The following ZFHX4 variants were observed in gnomAD, a reference collection of about 807,000 sequenced individuals.
The protein encoded by ZFHX4 is zinc finger homeobox protein 4.
ZFHX4 carries 56 observed loss-of-function variants against 267.6 expected under a neutral mutation model. That is an observed-to-expected ratio of 0.21 (90% CI 0.17 to 0.26). The LOEUF (loss-of-function observed/expected upper bound fraction) is 0.26. Among genes scored for constraint, ZFHX4 ranks in the 10% least tolerant of loss-of-function variants. The pLI is 1.00. For synonymous variants in ZFHX4, 1,778 were observed against 1,665.6 expected (o/e 1.07, Z -1.64); for missense variants, 4,332 against 4,420.0 (o/e 0.98, Z 0.56).
Position 76,854,218 on chromosome 8 carries a change from T to C in ZFHX4, c.7297T>C (p.Ser2433Pro). ...QGTKPALPLA[S>P]TSSDPPQAST... The stretch of plus-strand genomic sequence containing the variant: ...CACCAAACCAGCCCTGCCATTAGCA[T>C]CGACTTCCTCGGACCCACCACAGGC... The change falls in exon 10 of 11, where the codon TCG becomes CCG. Residue 2433 changes from serine to proline, a missense_variant. This residue lies in a region of ZFHX4 where 1,648 missense variants were observed against 1,625.0 expected (regional missense o/e 1.01). Coordinates refer to ENST00000651372, the MANE Select transcript of ZFHX4 (RefSeq NM_024721.5). 2 of 1,565,550 alleles carry C rather than the reference T, an allele frequency of 1.3e-6. No individual in the cohort carries two copies. The highest frequency in any genetic ancestry group is 1.7e-6 in the Non-Finnish European group (2 of 1,155,210).
At chr8:76,735,698 C>T (rs1585894143) in intron 3 of ZFHX4, among the ~76,000 whole-genome samples, 2 of 152,216 alleles carry the variant, frequency 1.3e-5, no homozygotes, top group Middle Eastern at 6.8e-3. Context: ...TGGATTGTCT[C>T]AAAGTGTTAG....
At chr8:76,709,465 T>A (rs1292208484) in intron 3 of ZFHX4, among the ~76,000 whole-genome samples, 1 of 152,142 alleles carries the variant, frequency 6.6e-6, no homozygotes, top group Non-Finnish European at 1.5e-5. Context: ...TGACAACTGT[T>A]CAATTGTCTA....
At position 76,762,388 on chromosome 8, in the gene ZFHX4, A is replaced by G. The variant is rs1400218651; in HGVS notation, c.3094-15820A>G. ...ATAAAAAGAAGTTAATATCTCCCTGACATTCATATTGACTTTTAGTGAAAA... is the reference window on the plus strand; with the variant it reads ...ATAAAAAGAAGTTAATATCTCCCTGGCATTCATATTGACTTTTAGTGAAAA... On this transcript the variant is annotated intron_variant, in intron 3 of 10. Coordinates refer to ENST00000651372, the MANE Select transcript of ZFHX4 (RefSeq NM_024721.5). 2.6e-5 allele frequency among the ~76,000 whole-genome samples: 4 copies of G among 152,364 alleles called. No homozygotes were observed. The East Asian group carries it at 5.8e-4, about 22-fold the overall frequency.
intron 4 of ZFHX4, among the ~76,000 whole-genome samples, chr8:76,813,835 A>G (rs761092680): frequency 1.3e-5 from 2 of 152,144 alleles, no homozygotes; most frequent in African/African-American, 2.4e-5. Context: ...TAGAATAACA[A>G]TTCTTGGGAA....
chr8:76,703,372 C>A (rs1808154155), intron 1 of ZFHX4, among the ~76,000 whole-genome samples: 1 of 152,070 alleles, frequency 6.6e-6, no homozygotes, highest in Non-Finnish European at 1.5e-5. Flanking sequence ...TGTTCTGTTG[C>A]CCATTGAGGT....
intron 3 of ZFHX4, among the ~76,000 whole-genome samples, chr8:76,764,042 G>A (rs982916726): frequency 1.8e-4 from 27 of 152,086 alleles, no homozygotes; most frequent in Middle Eastern, 3.2e-3. Context: ...AAAATGGAGG[G>A]AATATTGGAG....
chr8:76,715,321 A>C (rs1402592962), intron 3 of ZFHX4, among the ~76,000 whole-genome samples: 1 of 151,740 alleles, frequency 6.6e-6, no homozygotes, highest in Non-Finnish European at 1.5e-5. Context: ...GACTCTACTA[A>C]AAACACAAAA....
At chr8:76,799,979 A>G (rs1811076767) in intron 4 of ZFHX4, among the ~76,000 whole-genome samples, 1 of 152,138 alleles carries the variant, frequency 6.6e-6, no homozygotes, top group African/African-American at 2.4e-5. Flanking sequence ...GGTGGGGCTT[A>G]TTCTTTGTAA....
In ZFHX4 at chr8:76,739,953, T is replaced by C. The variant is rs113422501; in HGVS notation, c.3093+31905T>C. 6.2e-3 allele frequency among the ~76,000 whole-genome samples: 941 copies of C among 152,256 alleles called. 9 individuals carry two copies. Among genetic ancestry groups the C allele is most frequent in the African/African-American group, 0.022 (901 of 41,562 alleles). ...GATTGCTAGTTAGTATTGTGGATCA[T>C]TGAAGGAAAGTCATGGGGCAACTGT... On this transcript the variant is annotated intron_variant, in intron 3 of 10. Transcript: ENST00000651372.
At chr8:76,727,058 T>A (rs1214112150) in intron 3 of ZFHX4, among the ~76,000 whole-genome samples, 2 of 152,180 alleles carry the variant, frequency 1.3e-5, no homozygotes, top group Non-Finnish European at 2.9e-5. Flanking sequence ...GAAGATTACA[T>A]TTTTACTGTC....
intron 4 of ZFHX4, among the ~76,000 whole-genome samples, chr8:76,832,212 A>G (rs549522922): frequency 6.6e-6 from 1 of 152,302 alleles, no homozygotes; most frequent in Non-Finnish European, 1.5e-5. Flanking sequence ...GTAAATAAAC[A>G]TGATTTCCTT....
intron 3 of ZFHX4, among the ~76,000 whole-genome samples, chr8:76,720,139 T>C (rs1191242953): frequency 6.6e-6 from 1 of 152,104 alleles, no homozygotes; most frequent in East Asian, 1.9e-4. Flanking sequence ...CAAGAAGAAA[T>C]CCTGTACTGT....
intron 3 of ZFHX4, among the ~76,000 whole-genome samples, chr8:76,728,650 C>T (rs1014181900): frequency 6.6e-6 from 1 of 152,130 alleles, no homozygotes; most frequent in Non-Finnish European, 1.5e-5. Context: ...ATAATTTAAA[C>T]ATTGAAATCT....
intron 4 of ZFHX4, among the ~76,000 whole-genome samples, chr8:76,797,920 CTGTGTGTCTGTGTGTA>C (rs1811023275): frequency 1.6e-5 from 2 of 122,512 alleles, no homozygotes; most frequent in African/African-American, 6.6e-5. Context: ...GTGTGTGTGT[CTGTGTGTCTGTGTGTA>C]TGTGTGTGTA....
intron 10 of ZFHX4, among the ~76,000 whole-genome samples, chr8:76,861,489 A>C (rs1030222128): frequency 6.6e-6 from 1 of 152,162 alleles, no homozygotes; most frequent in African/African-American, 2.4e-5. Context: ...ATCACTATTA[A>C]AACTGTAGAA....
At chr8:76,823,154 G>A (rs1018487953) in intron 4 of ZFHX4, among the ~76,000 whole-genome samples, 2 of 144,680 alleles carry the variant, frequency 1.4e-5, no homozygotes, top group African/African-American at 5.1e-5. Flanking sequence ...TTTTAACAGT[G>A]AGACACCTCT....
chr8:76,694,374 T>A (rs1034484), intron 1 of ZFHX4, among the ~76,000 whole-genome samples: 4,948 of 152,236 alleles, frequency 0.033, 111 homozygotes, highest in Non-Finnish European at 0.045. Context: ...TGTAAAGAGA[T>A]TTAGTAACAT....
intron 4 of ZFHX4, among the ~76,000 whole-genome samples, chr8:76,811,712 A>ACTC (rs1811382758): frequency 6.6e-6 from 1 of 152,234 alleles, no homozygotes; most frequent in African/African-American, 2.4e-5. Flanking sequence ...AGATAAACAT[A>ACTC]CAATCAGATG....
chr8:76,863,521 G>T lies in ZFHX4; in HGVS notation c.9807G>T (p.Gly3269=). Residue 3269 remains glycine (G), a synonymous_variant, in exon 11 of 11, where the codon GGG becomes GGT. Coordinates refer to ENST00000651372, the MANE Select transcript of ZFHX4 (RefSeq NM_024721.5). ...AGTTCTTGCCATACTTTATCCCTGGGTTTGCTTCTTATTTTACACCTCAGC... is the reference window on the plus strand; with the variant it reads ...AGTTCTTGCCATACTTTATCCCTGGTTTTGCTTCTTATTTTACACCTCAGC... The part of the protein sequence containing the change: ...GGQFLPYFIP[G]FASYFTPQLP... 6.2e-7 allele frequency: 1 copy of T among 1,613,456 alleles called. No individual in the cohort carries two copies. The highest frequency in any genetic ancestry group is 8.5e-7 in the Non-Finnish European group (1 of 1,179,742).
Sources: allele counts gnomAD v4.1 joint callset (sites outside exome capture counted in the v4.1 genomes callset), GRCh38; gene constraint gnomAD v4.1.1; regional missense constraint gnomAD v4.1.1; transcripts MANE v1.5; gene names NCBI Gene and HGNC (gene_info 2026-07-23, HGNC 2026-07-21).